Variants in AHCYL2 observed in about 807,000 individuals in gnomAD.
AHCYL2 encodes adenosylhomocysteinase like 2.
AHCYL2 carries 28 observed loss-of-function variants against 81.4 expected under a neutral mutation model. The ratio of observed to expected loss-of-function variants is 0.34; its 90% CI spans 0.25 to 0.47. The LOEUF (loss-of-function observed/expected upper bound fraction) is 0.47, where lower values mean the gene tolerates loss of function less well. Ranked by LOEUF, AHCYL2 falls within the 20% of genes least tolerant of loss-of-function variation. AHCYL2 has a pLI of 1.00. For synonymous variants in AHCYL2, 272 were observed against 290.2 expected (o/e 0.94, Z 0.64); for missense variants, 551 against 785.1 (o/e 0.70, Z 3.56).
Position 129,231,938 on chromosome 7 carries a change from CT to C in AHCYL2, c.363+6510del, listed in dbSNP as rs1014385772. On this transcript the variant is annotated intron_variant, in intron 1 of 16. Transcript: ENST00000325006. ...CACTAAAAGCTGGTGATTTTATTTT[CT>C]TTTTTTTTTTCAAGGGTCTATCAGT... is the stretch of plus-strand genomic sequence containing the variant. Among the ~76,000 whole-genome samples, 31 of 144,740 alleles carry C rather than the reference CT, an allele frequency of 2.1e-4. No homozygotes were observed. In the South Asian group the frequency reaches 2.4e-3, roughly 11 times the overall value. 95.0% of individuals were successfully genotyped at this position (144,740 alleles called of 152,430 possible). A position where few individuals can be genotyped will look rare whatever the true frequency, so the allele number is the denominator to read the frequency against.
intron 1 of AHCYL2, among the ~76,000 whole-genome samples, chr7:129,342,042 C>T (rs1793204238): frequency 6.6e-6 from 1 of 152,068 alleles, no homozygotes; most frequent in South Asian, 2.1e-4. Context: ...CCAGCATGTA[C>T]TTTGGCATTA....
chr7:129,252,292 C>T (rs1584706901), intron 1 of AHCYL2, among the ~76,000 whole-genome samples: 1 of 152,200 alleles, frequency 6.6e-6, no homozygotes, highest in Non-Finnish European at 1.5e-5. Context: ...CTTTCAGGCT[C>T]TCTGGCTAGA....
intron 1 of AHCYL2, among the ~76,000 whole-genome samples, chr7:129,365,320 C>A (rs1794068799): frequency 6.6e-6 from 1 of 152,074 alleles, no homozygotes; most frequent in Non-Finnish European, 1.5e-5. Flanking sequence ...GAGAAAATGA[C>A]ATGAGCAAAG....
chr7:129,253,744 T>G (rs1461937792), intron 1 of AHCYL2, among the ~76,000 whole-genome samples: 2 of 152,226 alleles, frequency 1.3e-5, no homozygotes, highest in Admixed American at 1.3e-4. Context: ...TCCAAAGTGC[T>G]GGGATTACAG....
At chr7:129,343,992 A>G (rs1405279610) in intron 1 of AHCYL2, among the ~76,000 whole-genome samples, 1 of 152,220 alleles carries the variant, frequency 6.6e-6, no homozygotes, top group Non-Finnish European at 1.5e-5. Context: ...TTGAACAGAC[A>G]TAGCACAGTA....
At position 129,368,422 on chromosome 7, in the gene AHCYL2, A is replaced by G. The variant is rs572111124; in HGVS notation, c.364-11216A>G. 14 of 1,612,320 alleles carry G rather than the reference A, an allele frequency of 8.7e-6. No homozygotes were observed. In the South Asian group the frequency reaches 1.5e-4, roughly 18 times the overall value. On this transcript the variant is annotated intron_variant, in intron 1 of 16. Coordinates refer to ENST00000325006, the MANE Select transcript of AHCYL2 (RefSeq NM_015328.4). This position sits in a 1 kb window ranked among gnomAD's most constrained non-coding sequence, Gnocchi z 4.4. ...ACTAGGGTTGGGTCTGCTTTGGGGC[A>G]CTCAGATAACCCCAGTATTTCCAAA...
At chr7:129,362,586 T>A (rs1379144248) in intron 1 of AHCYL2, among the ~76,000 whole-genome samples, 1 of 149,242 alleles carries the variant, frequency 6.7e-6, no homozygotes, top group African/African-American at 2.5e-5. Flanking sequence ...GGAATAGTTA[T>A]TGGTTTTCTT....
intron 5 of AHCYL2, among the ~76,000 whole-genome samples, chr7:129,398,418 G>A (rs1417384017): frequency 1.4e-5 from 2 of 147,530 alleles, no homozygotes; most frequent in East Asian, 2.0e-4. Flanking sequence ...TCACTCTGTC[G>A]CCCAGGCTGG....
Position 129,225,224 on chromosome 7 carries a change from C to T in AHCYL2, c.148C>T (p.Pro50Ser). 2.0e-6 allele frequency: 3 copies of T among 1,504,614 alleles called. No individual in the cohort carries two copies. Among genetic ancestry groups the T allele is most frequent in the Non-Finnish European group, 2.6e-6 (3 of 1,134,048 alleles). The allele number at this position is 1,504,614 out of a possible 1,614,324, so 93.2% of individuals were successfully genotyped here. A position where few individuals can be genotyped will look rare whatever the true frequency, so the allele number is the denominator to read the frequency against. ...GGCCCCCCCGGCGGGCGGTGGAGAC[C>T]CTGAGGCTCCAGCTCCCGCCGCGGA... ...AMAPPAGGGD[P>S]EAPAPAAERP... The change falls in exon 1 of 17, where the codon CCT becomes TCT. Residue 50 changes from proline (P) to serine (S), a missense_variant. Transcript: ENST00000325006.
chr7:129,295,539 A>G (rs1204765662), intron 1 of AHCYL2, among the ~76,000 whole-genome samples: 3 of 152,200 alleles, frequency 2.0e-5, no homozygotes, highest in African/African-American at 7.2e-5. Flanking sequence ...TCTAGTCATT[A>G]TTTGGTATTT....
chr7:129,323,115 C>G (rs1336729425), intron 1 of AHCYL2, among the ~76,000 whole-genome samples: 1 of 151,930 alleles, frequency 6.6e-6, no homozygotes, highest in African/African-American at 2.4e-5. Flanking sequence ...GGAAAAAAAT[C>G]TTCTGTTTGC....
Position 129,390,961 on chromosome 7 carries a change from G to T in AHCYL2, c.720+1227G>T, listed in dbSNP as rs556295971. 4.9e-4 allele frequency among the ~76,000 whole-genome samples: 75 copies of T among 152,044 alleles called. 1 individual carries two copies. Among genetic ancestry groups the T allele is most frequent in the Non-Finnish European group, 1.6e-4 (11 of 67,986 alleles). ...TGAAATTCAGATATAACATGTCCAG[G>T]TACATATAATCTTTAAAAATAAATC... On this transcript the variant is annotated intron_variant, in intron 4 of 16. Coordinates refer to ENST00000325006, the MANE Select transcript of AHCYL2 (RefSeq NM_015328.4).
intron 1 of AHCYL2, among the ~76,000 whole-genome samples, chr7:129,337,826 C>G (rs977330418): frequency 1.3e-5 from 2 of 152,240 alleles, no homozygotes; most frequent in African/African-American, 4.8e-5. Flanking sequence ...TCACTGCAAC[C>G]TCCACCTCCC....
chr7:129,299,251 T>C (rs1390760439), intron 1 of AHCYL2, among the ~76,000 whole-genome samples: 1 of 139,464 alleles, frequency 7.2e-6, no homozygotes, highest in Non-Finnish European at 1.5e-5. Flanking sequence ...GAGAGCAGCC[T>C]GGGAACCATA....
chr7:129,256,542 A>ACCCC (rs1228915009), intron 1 of AHCYL2, among the ~76,000 whole-genome samples: 9 of 58,496 alleles, frequency 1.5e-4, no homozygotes, highest in East Asian at 8.3e-4. Context: ...CCCGCCCCCC[A>ACCCC]CCCCCCACCC....
At chr7:129,334,167 C>G (rs921904149) in intron 1 of AHCYL2, among the ~76,000 whole-genome samples, 3 of 152,048 alleles carry the variant, frequency 2.0e-5, no homozygotes, top group Non-Finnish European at 4.4e-5. Context: ...GTTAGCAATC[C>G]CACTTTGAGG....
intron 1 of AHCYL2, among the ~76,000 whole-genome samples, chr7:129,231,676 C>T (rs1031199004): frequency 6.6e-6 from 1 of 152,166 alleles, no homozygotes; most frequent in South Asian, 2.1e-4. Context: ...GTTTAGTAAA[C>T]TTGATCAGAT....
chr7:129,343,047 T>G (rs985426838), intron 1 of AHCYL2, among the ~76,000 whole-genome samples: 1 of 152,180 alleles, frequency 6.6e-6, no homozygotes, highest in Non-Finnish European at 1.5e-5. Flanking sequence ...CAAATACCTG[T>G]TTTGTTTGTC....
intron 1 of AHCYL2, among the ~76,000 whole-genome samples, chr7:129,279,696 A>G (rs1796359749): frequency 6.6e-6 from 1 of 152,206 alleles, no homozygotes; most frequent in Admixed American, 6.5e-5. Context: ...TTGATCATAT[A>G]TGTTCAACAA....
Sources: allele counts gnomAD v4.1 joint callset (sites outside exome capture counted in the v4.1 genomes callset), GRCh38; gene constraint gnomAD v4.1.1; non-coding constraint Gnocchi (gnomAD v3.1); transcripts MANE v1.5; gene names NCBI Gene and HGNC (gene_info 2026-07-23, HGNC 2026-07-21).